Variants in SNX29 observed in about 807,000 individuals in gnomAD.
SNX29 encodes sorting nexin 29.
SNX29 carries 78 observed loss-of-function variants against 102.1 expected under a neutral mutation model. The observed-to-expected ratio is 0.76, with a 90% CI of 0.64 to 0.92. SNX29 has a LOEUF of 0.92. Ranked by LOEUF, SNX29 falls within the 40% of genes least tolerant of loss-of-function variation. The pLI is 0.00. For synonymous variants in SNX29, 580 were observed against 414.5 expected, an observed-to-expected ratio of 1.40 and a Z score of -4.85; for missense variants, 1,280 against 1,061.7, an observed-to-expected ratio of 1.21 and a Z score of -2.86.
chr16:12,105,949 G>A (rs2053218832), intron 11 of SNX29, among the ~76,000 whole-genome samples: 1 of 152,178 alleles, frequency 6.6e-6, no homozygotes, highest in South Asian at 2.1e-4. Context: ...CAGCATGAGA[G>A]GAGATGAAGA....
intron 16 of SNX29, among the ~76,000 whole-genome samples, chr16:12,380,407 C>CTAG: frequency 9.2e-6 from 1 of 109,288 alleles, no homozygotes; most frequent in South Asian, 4.3e-4. Context: ...ATCCATCCAC[C>CTAG]CACCCACCCA....
At chr16:12,457,912 A>C (rs1394749824) in intron 18 of SNX29, among the ~76,000 whole-genome samples, 1 of 152,198 alleles carries the variant, frequency 6.6e-6, no homozygotes, top group Non-Finnish European at 1.5e-5. Context: ...CCTCGTGATG[A>C]CTAATACATC....
intron 6 of SNX29, among the ~76,000 whole-genome samples, chr16:12,048,154 T>A (rs981671517): frequency 6.6e-6 from 1 of 151,598 alleles, no homozygotes; most frequent in Non-Finnish European, 1.5e-5. Context: ...ATGGGAGGTT[T>A]TTTTTTTTTT....
At chr16:12,214,118 C>T (rs1234379409) in intron 14 of SNX29, among the ~76,000 whole-genome samples, 8 of 140,742 alleles carry the variant, frequency 5.7e-5, no homozygotes, top group African/African-American at 1.8e-4. Context: ...TTTATTTGTT[C>T]GACCTGATTT....
intron 13 of SNX29, among the ~76,000 whole-genome samples, chr16:12,172,205 T>C (rs923613787): frequency 6.6e-6 from 1 of 152,038 alleles, no homozygotes; most frequent in African/African-American, 2.4e-5. Context: ...AGCTGAGAAG[T>C]AGGCCACGTA....
intron 11 of SNX29, 53 bp downstream of exon 11, chr16:12,078,968 G>A (rs138951268): frequency 6.1e-5 from 90 of 1,465,606 alleles, no homozygotes; most frequent in Admixed American, 3.7e-4. Context: ...TCTGGCCCAC[G>A]TCTCATGGCG....
At chr16:12,066,394 G>A (rs566337247) in intron 9 of SNX29, among the ~76,000 whole-genome samples, 29 of 152,236 alleles carry the variant, frequency 1.9e-4, no homozygotes, top group Middle Eastern at 3.4e-3. Flanking sequence ...GGTGGGTGCC[G>A]TGCTCTTGTG....
chr16:12,286,262 AG>A (rs1263797212), intron 15 of SNX29, among the ~76,000 whole-genome samples: 1 of 152,074 alleles, frequency 6.6e-6, no homozygotes, highest in Non-Finnish European at 1.5e-5. Flanking sequence ...TCAGTGAAAA[AG>A]GGTAAGAAGT....
intron 19 of SNX29, among the ~76,000 whole-genome samples, chr16:12,523,511 T>C (rs2090178012): frequency 6.6e-6 from 1 of 152,104 alleles, no homozygotes; most frequent in South Asian, 2.1e-4. Context: ...AGCCAGGGGC[T>C]ACTAGCACAG....
At chr16:12,527,278 T>C (rs942608029) in intron 20 of SNX29, 5 of 532,284 alleles carry the variant, frequency 9.4e-6, no homozygotes, top group South Asian at 1.5e-5. Context: ...GATCGTGTCC[T>C]TTCTCCATGT....
rs7189929 is a variant in SNX29 at position 12,536,711 on chromosome 16, C to T, written c.2318+11870C>T. Reference sequence around the variant, plus strand: ...GTGTTCAGGGGGCTGGACGTGGTGGCTCACGCCTGTAATCTCAACACTTTG... The same window carrying T: ...GTGTTCAGGGGGCTGGACGTGGTGGTTCACGCCTGTAATCTCAACACTTTG... On this transcript the variant is annotated intron_variant, in intron 20 of 20. Coordinates refer to ENST00000566228, the MANE Select transcript of SNX29 (RefSeq NM_032167.5). Among the ~76,000 whole-genome samples the T allele has an allele frequency of 7.4e-3, 1,123 of 152,320 alleles. 6 individuals carry two copies. The highest frequency in any genetic ancestry group is 0.013 in the Admixed American group (206 of 15,298).
chr16:12,198,819 A>G (rs1472859192), intron 13 of SNX29, among the ~76,000 whole-genome samples: 1 of 152,264 alleles, frequency 6.6e-6, no homozygotes, highest in African/African-American at 2.4e-5. Context: ...TGAATGAAGC[A>G]TCTTTCCGCT....
rs79475411 is a variant in SNX29 at position 12,540,142 on chromosome 16, T to C, written c.2318+15301T>C. Among the ~76,000 whole-genome samples the C allele has an allele frequency of 4.0e-5, 6 of 151,676 alleles. No homozygotes were observed. In the East Asian group the frequency reaches 7.7e-4, roughly 19 times the overall value. ...CTCCTAGGTTTTCCTCAAAGTTTTA[T>C]AGCTTTACATTTTAGATCTGCGATT... On this transcript the variant is annotated intron_variant, in intron 20 of 20. Coordinates refer to ENST00000566228, the MANE Select transcript of SNX29 (RefSeq NM_032167.5).
At chr16:12,193,499 T>C (rs1320937849) in intron 13 of SNX29, among the ~76,000 whole-genome samples, 1 of 151,834 alleles carries the variant, frequency 6.6e-6, no homozygotes, top group Non-Finnish European at 1.5e-5. Flanking sequence ...GTCTTTCACA[T>C]AGCAAATCCA....
At chr16:12,115,753 C>T (rs767508174) in intron 11 of SNX29, among the ~76,000 whole-genome samples, 1 of 152,176 alleles carries the variant, frequency 6.6e-6, no homozygotes, top group African/African-American at 2.4e-5. Context: ...GGTCCTTTGG[C>T]GGGTTTCTGC....
chr16:12,477,198 G>A (rs2087694979), intron 18 of SNX29, among the ~76,000 whole-genome samples: 1 of 152,156 alleles, frequency 6.6e-6, no homozygotes, highest in Non-Finnish European at 1.5e-5. Flanking sequence ...TCGGTCTAGT[G>A]GGGCAGATCT....
rs2080486010 is a variant in SNX29 at position 12,310,116 on chromosome 16, G to GCACA, written c.1782+32083_1782+32084insACAC. Among the ~76,000 whole-genome samples the GCACA allele has an allele frequency of 1.1e-4, 8 of 70,832 alleles. 1 individual carries two copies. In the South Asian group the frequency reaches 2.3e-3, roughly 21 times the overall value. The allele number at this position is 70,832 out of a possible 152,430, so 46.5% of individuals were successfully genotyped here. A position where few individuals can be genotyped will look rare whatever the true frequency, so the allele number is the denominator to read the frequency against. On this transcript the variant is annotated intron_variant, in intron 15 of 20. Coordinates refer to ENST00000566228, the MANE Select transcript of SNX29 (RefSeq NM_032167.5). ...TGCACACACATGCACACATACACGTGCACGCACACATGCATGCACATACAC... is the reference window on the plus strand; with the variant it reads ...TGCACACACATGCACACATACACGTGCACACACGCACACATGCATGCACATACAC...
rs756182055 is a variant in SNX29 at position 12,126,699 on chromosome 16, A to G, written c.1466+3A>G. ...GATGAGCTGGAGGAGGAGAACAGGT[A>G]CCGTGATTTTCAGGCTTGAGGAATA... On this transcript the variant is annotated splice_donor_region_variant and intron_variant, in intron 12 of 20. Coordinates refer to ENST00000566228, the MANE Select transcript of SNX29 (RefSeq NM_032167.5). 1.2e-6 allele frequency: 2 copies of G among 1,613,942 alleles called. No individual in the cohort carries two copies. The highest frequency in any genetic ancestry group is 1.1e-5 in the South Asian group (1 of 91,050).
At chr16:12,198,115 C>T (rs977785949) in intron 13 of SNX29, among the ~76,000 whole-genome samples, 8 of 152,098 alleles carry the variant, frequency 5.3e-5, no homozygotes, top group Admixed American at 2.0e-4. Context: ...TTTATACTAT[C>T]CTGTCATAGA....
Sources: gnomAD v4.1 joint callset for allele counts (sites outside exome capture counted in the v4.1 genomes callset) on GRCh38, gnomAD v4.1.1 for gene constraint, MANE v1.5 for transcripts, NCBI Gene and HGNC (gene_info 2026-07-23, HGNC 2026-07-21) for gene names.